Variants in AUTS2 observed in about 807,000 individuals in gnomAD.
The protein encoded by AUTS2 is autism susceptibility gene 2 protein.
A neutral mutation model predicts 112.4 loss-of-function variants in AUTS2; 17 were observed. The ratio of observed to expected loss-of-function variants is 0.15; its 90% CI spans 0.10 to 0.23. The LOEUF is 0.23. AUTS2 is among the 10% of genes least tolerant of loss of function. The pLI is 1.00. For missense variants in AUTS2, 1,510 were observed against 1,701.6 expected (o/e 0.89, Z 1.98); for synonymous variants, 751 against 702.7 (o/e 1.07, Z -1.09).
chr7:70,461,623 T>C (rs1796966939), intron 5 of AUTS2, among the ~76,000 whole-genome samples: 2 of 152,240 alleles, frequency 1.3e-5, no homozygotes, highest in African/African-American at 4.8e-5. Flanking sequence ...TTACTTATTA[T>C]ATGCCAGGAA....
chr7:69,723,320 A>G (rs987690539), intron 1 of AUTS2, among the ~76,000 whole-genome samples: 2 of 152,084 alleles, frequency 1.3e-5, no homozygotes, highest in Admixed American at 6.6e-5. Context: ...TCTTTTTGAG[A>G]AGGAGGAAAG....
intron 4 of AUTS2, among the ~76,000 whole-genome samples, chr7:70,361,722 A>G (rs1012393390): frequency 2.0e-5 from 3 of 152,294 alleles, no homozygotes; most frequent in African/African-American, 4.8e-5. Context: ...AATTGAGCCA[A>G]TTCAGGGAGT....
chr7:70,321,308 C>T (rs1172618320), intron 4 of AUTS2, among the ~76,000 whole-genome samples: 2 of 152,138 alleles, frequency 1.3e-5, no homozygotes, highest in Non-Finnish European at 2.9e-5. Context: ...TCGAAACATC[C>T]CAATGCCAAA....
intron 1 of AUTS2, among the ~76,000 whole-genome samples, chr7:69,717,041 A>C (rs1798648587): frequency 6.6e-6 from 1 of 152,106 alleles, no homozygotes; most frequent in Non-Finnish European, 1.5e-5. Context: ...GTTTTTATGG[A>C]AAATTTATTA....
intron 4 of AUTS2, among the ~76,000 whole-genome samples, chr7:70,422,793 A>G (rs958918865): frequency 1.3e-5 from 2 of 151,810 alleles, no homozygotes; most frequent in African/African-American, 4.8e-5. Flanking sequence ...AAAAAATTAT[A>G]CCCATCTTTT....
At chr7:70,258,840 C>G (rs776609478) in intron 4 of AUTS2, among the ~76,000 whole-genome samples, 4 of 152,090 alleles carry the variant, frequency 2.6e-5, no homozygotes, top group Admixed American at 1.3e-4. Context: ...ATTTTGAATA[C>G]GTTTTGTATT....
At position 70,514,570 on chromosome 7, in the gene AUTS2, A is replaced by G. The variant is rs184447525; in HGVS notation, c.690+78789A>G. ...ATTCATCACCAAGGGAAAGCCATTC[A>G]TGAGAGTTCCGTCCCTATGACCCAG... On this transcript the variant is annotated intron_variant, in intron 5 of 18. Transcript: ENST00000342771. Among the ~76,000 whole-genome samples the G allele has an allele frequency of 1.5e-3, 233 of 152,374 alleles. 1 individual carries two copies. Among genetic ancestry groups the G allele is most frequent in the African/African-American group, 5.5e-3 (228 of 41,596 alleles).
At chr7:70,290,462 A>G in intron 4 of AUTS2, 1 of 1,539,280 alleles carries the variant, frequency 6.5e-7, no homozygotes, top group Non-Finnish European at 8.8e-7. Context: ...TGGGCCAGTA[A>G]TAGGGAGAGT....
chr7:70,524,534 G>A (rs1475363586), intron 5 of AUTS2, among the ~76,000 whole-genome samples: 2 of 152,150 alleles, frequency 1.3e-5, no homozygotes, highest in African/African-American at 4.8e-5. Flanking sequence ...AGAAAGAAAT[G>A]GCCTGGAGGC....
intron 2 of AUTS2, among the ~76,000 whole-genome samples, chr7:69,933,782 G>A (rs765572384): frequency 2.0e-5 from 3 of 152,106 alleles, no homozygotes; most frequent in Non-Finnish European, 2.9e-5. Context: ...TGGGATTACA[G>A]GTGTGAGCCA....
At chr7:70,615,603 T>TGGA (rs1554442335) in intron 5 of AUTS2, among the ~76,000 whole-genome samples, 206 of 148,702 alleles carry the variant, frequency 1.4e-3, no homozygotes, top group African/African-American at 4.6e-3. Flanking sequence ...TTGTTGTTGT[T>TGGA]GGAAAAGCAT....
At chr7:70,370,168 A>G (rs1792774506) in intron 4 of AUTS2, among the ~76,000 whole-genome samples, 4 of 152,204 alleles carry the variant, frequency 2.6e-5, no homozygotes. Context: ...TTATTGAGTT[A>G]TAGTTCACAT....
intron 5 of AUTS2, among the ~76,000 whole-genome samples, chr7:70,689,119 G>C (rs1209929504): frequency 6.6e-6 from 1 of 152,202 alleles, no homozygotes. Context: ...CACTTTGGGA[G>C]GCAGAGGCAG....
chr7:70,453,167 C>A (rs1796599672), intron 5 of AUTS2, among the ~76,000 whole-genome samples: 1 of 152,190 alleles, frequency 6.6e-6, no homozygotes, highest in Non-Finnish European at 1.5e-5. Flanking sequence ...GGGTCCCCTG[C>A]CTGCCAGTGT....
intron 1 of AUTS2, among the ~76,000 whole-genome samples, chr7:69,821,111 A>G (rs1458611056): frequency 6.6e-6 from 1 of 152,208 alleles, no homozygotes; most frequent in African/African-American, 2.4e-5. Flanking sequence ...AAGCTGCTCA[A>G]CATAGATTCA....
At chr7:69,667,749 T>C (rs551197567) in intron 1 of AUTS2, among the ~76,000 whole-genome samples, 7 of 152,318 alleles carry the variant, frequency 4.6e-5, no homozygotes, top group African/African-American at 1.4e-4. Context: ...CCTTTCTGAA[T>C]GTGCTCTCTG....
chr7:70,575,001 G>T (rs1563051301), intron 5 of AUTS2, among the ~76,000 whole-genome samples: 1 of 152,268 alleles, frequency 6.6e-6, no homozygotes. Context: ...CTTTTCCTTG[G>T]GAAACAGGCC....
chr7:70,482,853 G>T (rs1797842861), intron 5 of AUTS2, among the ~76,000 whole-genome samples: 1 of 151,584 alleles, frequency 6.6e-6, no homozygotes, highest in African/African-American at 2.4e-5. Context: ...ATAGAGAGCT[G>T]TCATATATAT....
intron 4 of AUTS2, among the ~76,000 whole-genome samples, chr7:70,282,639 C>T (rs1006957314): frequency 1.3e-5 from 2 of 152,190 alleles, no homozygotes; most frequent in African/African-American, 4.8e-5. Flanking sequence ...GTTAGGATTT[C>T]AACATGTAGA....
Sources: allele counts gnomAD v4.1 joint callset (sites outside exome capture counted in the v4.1 genomes callset), GRCh38; gene constraint gnomAD v4.1.1; transcripts MANE v1.5; gene names NCBI Gene and HGNC (gene_info 2026-07-23, HGNC 2026-07-21).